Variants in DBT observed in about 807,000 individuals in gnomAD.
DBT encodes lipoamide acyltransferase component of branched-chain alpha-keto acid dehydrogenase complex, mitochondrial.
A neutral mutation model predicts 51.3 loss-of-function variants in DBT; 40 were observed. The observed-to-expected ratio is 0.78, with a 90% confidence interval of 0.61 to 1.02. The LOEUF (loss-of-function observed/expected upper bound fraction) is 1.02. Ranked by LOEUF, DBT falls within the 50% of genes least tolerant of loss-of-function variation. The pLI is 0.00. For synonymous variants in DBT, 181 were observed against 190.4 expected (o/e 0.95, Z 0.41); for missense variants, 510 against 580.2 (o/e 0.88, Z 1.24).
intron 4 of DBT, among the ~76,000 whole-genome samples, chr1:100,225,752 G>A (rs1663157461): frequency 6.6e-6 from 1 of 151,332 alleles, no homozygotes; most frequent in Non-Finnish European, 1.5e-5. Context: ...TTGAACCCAG[G>A]AGGCGGAGGT....
intron 4 of DBT, among the ~76,000 whole-genome samples, chr1:100,230,162 GT>G (rs1411460114): frequency 6.6e-6 from 1 of 152,104 alleles, no homozygotes; most frequent in African/African-American, 2.4e-5. Context: ...GAGAGAGCTT[GT>G]TGCCTCTTTG....
chr1:100,235,457 C>T lies in DBT; in HGVS notation c.230G>A (p.Arg77Lys), dbSNP rs1327679054. The T allele has an allele frequency of 1.9e-6, 3 of 1,580,340 alleles. No individual in the cohort carries two copies. The African/African-American group carries it at 4.0e-5, about 21-fold the overall frequency. The change falls in exon 3 of 11, where the codon AGA becomes AAA. Residue 77 changes from arginine to lysine, a missense_variant. Physicochemically the swap from Arg to Lys is conservative, Grantham distance 26 (BLOSUM62 2). Transcript: ENST00000370132. ...TTACCATTCTTTAACAGTTACTTCT[C>T]TAATCCCTTCTCCAATGTCTGAGAG... Reference protein sequence around the residue: ...FKLSDIGEGIREVTVKEWYVK... With the variant: ...FKLSDIGEGIKEVTVKEWYVK...
Position 100,206,252 on chromosome 1 carries a change from A to G in DBT, c.1259T>C (p.Ile420Thr), listed in dbSNP as rs769600540. The change falls in exon 10 of 11, where the codon ATT becomes ACT. Residue 420 changes from isoleucine to threonine, a missense_variant. Coordinates refer to ENST00000370132, the MANE Select transcript of DBT (RefSeq NM_001918.5). ...KPVIMPPEVA[I>T]GALGSIKAIP... ...TACCTTAATTGATCCAAGGGCCCCA[A>G]TGGCTACTTCAGGTGGCATTATCAC... 6.0e-5 allele frequency: 96 copies of G among 1,612,718 alleles called. No individual in the cohort carries two copies. Among genetic ancestry groups the G allele is most frequent in the Non-Finnish European group, 7.3e-5 (86 of 1,179,156 alleles).
chr1:100,216,323 A>T, intron 5 of DBT, 124 bp from the exon 6 acceptor site: 1 of 727,876 alleles, frequency 1.4e-6, no homozygotes, highest in South Asian at 1.6e-5. Flanking sequence ...AAAAGGAAAT[A>T]ACCTTTTCAT....
At chr1:100,202,840 A>C (rs1382029348) in intron 10 of DBT, among the ~76,000 whole-genome samples, 2 of 152,238 alleles carry the variant, frequency 1.3e-5, no homozygotes, top group African/African-American at 2.4e-5. Context: ...CTGGGTAAAT[A>C]ATGAAATGAA....
chr1:100,248,834 A>G lies in DBT; in HGVS notation c.51+936T>C, dbSNP rs74384500. The stretch of plus-strand genomic sequence containing the variant: ...CCTCTGGGAACTCCTCTGACCCCCA[A>G]GTCCACCATAGGTGTCCACTCCTGT... On this transcript the variant is annotated intron_variant, in intron 1 of 10. Transcript: ENST00000370132. Among the ~76,000 whole-genome samples, 57 of 152,328 alleles carry G rather than the reference A, an allele frequency of 3.7e-4. 1 individual carries two copies. In the East Asian group the frequency reaches 4.1e-3, roughly 11 times the overall value.
intron 7 of DBT, chr1:100,213,291 C>G: frequency 7.0e-7 from 1 of 1,424,930 alleles, no homozygotes. Context: ...AGCCGGGCCG[C>G]CATGGACCAC....
intron 2 of DBT, among the ~76,000 whole-genome samples, chr1:100,239,851 C>CAAAAAAAAAAAAAAAAAAA (rs56661922): frequency 1.8e-5 from 2 of 111,202 alleles, no homozygotes; most frequent in Non-Finnish European, 1.8e-5. Context: ...CAACAGAGCT[C>CAAAAAAAAAAAAAAAAAAA]AAAAAAAAAA....
In DBT at chr1:100,249,750, A is replaced by G. The variant is rs1395814909; in HGVS notation, c.51+20T>C. ...ACAAATCACTCCTTCCCGGCCTCAG[A>G]TCTGCCCAAACGTGCTTACCAGCTT... On this transcript the variant is annotated intron_variant, in intron 1 of 10. Transcript: ENST00000370132. 6.2e-7 allele frequency: 1 copy of G among 1,613,416 alleles called. No homozygotes were observed. Among genetic ancestry groups the G allele is most frequent in the East Asian group, 2.2e-5 (1 of 44,882 alleles).
chr1:100,245,546 G>A (rs1051121039), intron 1 of DBT, among the ~76,000 whole-genome samples: 1 of 152,178 alleles, frequency 6.6e-6, no homozygotes, highest in Non-Finnish European at 1.5e-5. Context: ...AGTGATTCAA[G>A]GCAATTATTA....
At chr1:100,223,265 G>A (rs1662975116) in intron 4 of DBT, among the ~76,000 whole-genome samples, 1 of 152,194 alleles carries the variant, frequency 6.6e-6, no homozygotes, top group Non-Finnish European at 1.5e-5. Flanking sequence ...TTAGAAAAGT[G>A]AGGAATCATT....
intron 1 of DBT, among the ~76,000 whole-genome samples, chr1:100,245,343 C>A (rs1040983115): frequency 8.5e-5 from 13 of 152,064 alleles, no homozygotes; most frequent in African/African-American, 2.7e-4. Flanking sequence ...AGCCACCACA[C>A]CCAGCTAGAC....
intron 1 of DBT, among the ~76,000 whole-genome samples, chr1:100,243,730 C>G (rs1165919672): frequency 6.6e-6 from 1 of 152,086 alleles, no homozygotes; most frequent in African/African-American, 2.4e-5. Context: ...CAAGGTCACA[C>G]AGCAAATAAG....
At chr1:100,218,515 G>A in intron 5 of DBT, 111 bp downstream of exon 5, 6 of 1,222,484 alleles carry the variant, frequency 4.9e-6, no homozygotes, top group South Asian at 1.3e-5. Context: ...ATATCTTCAT[G>A]TTTCCTTAAT....
intron 6 of DBT, among the ~76,000 whole-genome samples, chr1:100,215,581 G>A (rs1662425218): frequency 6.6e-6 from 1 of 152,194 alleles, no homozygotes. Flanking sequence ...TGCACTGTGG[G>A]AGGCTGAGGA....
chr1:100,203,637 G>GAC, intron 10 of DBT, among the ~76,000 whole-genome samples: 1 of 152,284 alleles, frequency 6.6e-6, no homozygotes, highest in South Asian at 2.1e-4. Flanking sequence ...ACCTGGCAGA[G>GAC]ACACACACAC....
chr1:100,233,030 AT>A (rs1217719968), intron 3 of DBT, among the ~76,000 whole-genome samples: 1 of 152,216 alleles, frequency 6.6e-6, no homozygotes, highest in African/African-American at 2.4e-5. Context: ...TTCTAAAAAA[AT>A]GTTCCAACTA....
intron 3 of DBT, among the ~76,000 whole-genome samples, chr1:100,235,056 AT>A (rs534718862): frequency 1.1e-3 from 164 of 152,174 alleles, no homozygotes; most frequent in African/African-American, 3.9e-3. Context: ...TTCAAAATTT[AT>A]TTTTTGATTC....
At chr1:100,202,824 T>C (rs1661536834) in intron 10 of DBT, among the ~76,000 whole-genome samples, 1 of 152,228 alleles carries the variant, frequency 6.6e-6, no homozygotes, top group Admixed American at 6.5e-5. Context: ...TGCTCTTGAA[T>C]GACTGCTGGG....
Sources: gnomAD v4.1 joint callset for allele counts (sites outside exome capture counted in the v4.1 genomes callset) on GRCh38, gnomAD v4.1.1 for gene constraint, MANE v1.5 for transcripts, NCBI Gene and HGNC (gene_info 2026-07-23, HGNC 2026-07-21) for gene names.